CHD6: variants seen among roughly 807,000 people sequenced by gnomAD.
The protein encoded by CHD6 is chromodomain helicase DNA binding protein 6.
A neutral mutation model predicts 276.9 loss-of-function variants in CHD6; 50 were observed. That is an observed-to-expected ratio of 0.18 (90% CI 0.14 to 0.23). CHD6 has a LOEUF of 0.23. Ranked by LOEUF, CHD6 falls within the 10% of genes least tolerant of loss-of-function variation. The pLI, the probability that CHD6 is intolerant of heterozygous loss-of-function variation, is 1.00. For synonymous variants in CHD6, 1,173 were observed against 1,229.3 expected, an observed-to-expected ratio of 0.95 and a Z score of 0.96; for missense variants, 2,564 against 3,365.8, an observed-to-expected ratio of 0.76 and a Z score of 5.89.
rs76011116 is a variant in CHD6 at position 41,582,279 on chromosome 20, T to C, written c.-23-30919A>G. On this transcript the variant is annotated intron_variant, in intron 1 of 36. Coordinates refer to ENST00000373233, the MANE Select transcript of CHD6 (RefSeq NM_032221.5). ...ATGTCATTTGATGCAAGAGCTGATATAACTAAGGAAGAGTTTCGGACACGG... is the reference window on the plus strand; with the variant it reads ...ATGTCATTTGATGCAAGAGCTGATACAACTAAGGAAGAGTTTCGGACACGG... Among the ~76,000 whole-genome samples the C allele has an allele frequency of 1.2e-4, 18 of 152,306 alleles. No individual in the cohort carries two copies. In the East Asian group the frequency reaches 3.5e-3, roughly 29 times the overall value.
intron 1 of CHD6, among the ~76,000 whole-genome samples, chr20:41,565,158 G>A (rs113175550): frequency 0.053 from 8,055 of 151,108 alleles, 740 homozygotes; most frequent in African/African-American, 0.19. Context: ...GTGCAGTGGC[G>A]CGATCTCAGC....
chr20:41,445,355 T>G (rs959049772), intron 25 of CHD6, among the ~76,000 whole-genome samples: 2 of 152,204 alleles, frequency 1.3e-5, no homozygotes, highest in Non-Finnish European at 2.9e-5. Flanking sequence ...CTATGTGCCA[T>G]GCACTGGGAC....
intron 5 of CHD6, among the ~76,000 whole-genome samples, chr20:41,509,172 G>C (rs2044051742): frequency 6.6e-6 from 1 of 152,118 alleles, no homozygotes; most frequent in African/African-American, 2.4e-5. Context: ...CACAGGCTAT[G>C]AATAAGTGGT....
At chr20:41,493,754 C>G in intron 9 of CHD6, 82 bp from the exon 10 acceptor site, 1 of 1,562,520 alleles carries the variant, frequency 6.4e-7, no homozygotes, top group Non-Finnish European at 8.8e-7. Flanking sequence ...GAAAAACCAC[C>G]CTACGTGACT....
rs565586955 is a variant in CHD6 at position 41,597,535 on chromosome 20, G to A, written c.-24+20805C>T. On this transcript the variant is annotated intron_variant, in intron 1 of 36. Coordinates refer to ENST00000373233, the MANE Select transcript of CHD6 (RefSeq NM_032221.5). ...CAGAAGTTGGAAAGAGGGAAAGCTC[G>A]AACCCACCTGGGAAGGACCCCTTAT... Among the ~76,000 whole-genome samples, 128 of 152,084 alleles carry A rather than the reference G, an allele frequency of 8.4e-4. 1 individual carries two copies. Among genetic ancestry groups the A allele is most frequent in the African/African-American group, 2.8e-3 (117 of 41,492 alleles).
In CHD6 at chr20:41,484,488, C is replaced by G; in HGVS notation, c.2121G>C (p.Gln707His). The G allele has an allele frequency of 6.2e-7, 1 of 1,613,862 alleles. No individual in the cohort carries two copies. Among genetic ancestry groups the G allele is most frequent in the Non-Finnish European group, 8.5e-7 (1 of 1,179,852 alleles). Residue 707 changes from glutamine to histidine, a missense_variant, in exon 15 of 37, where the codon CAG (glutamine) becomes CAC (histidine). By Grantham distance (24) the Gln-to-His change is conservative. Transcript: ENST00000373233. ...TIIEVELTNI[Q>H]KKYYRAILEK... is the part of the protein sequence containing the mutation. ...CGAGGATGGCACGGTAGTACTTTTT[C>G]TGGATATTGGTCAGTTCCACCTCAA...
chr20:41,423,603 G>A lies in CHD6; in HGVS notation c.4444C>T (p.Arg1482Cys). Residue 1482 changes from arginine to cysteine, a missense_variant, in exon 30 of 37, where the codon CGC becomes TGC. This residue lies in a region of CHD6 where 515 missense variants were observed against 739.5 expected (regional missense o/e 0.70). Coordinates refer to ENST00000373233, the MANE Select transcript of CHD6 (RefSeq NM_032221.5). ...TTCTTGTCCAAACGGGAAATGATGC[G>A]GAACTGTGTCCAGTCAAAGGTTTTC... ...EKKTFDWTQF[R>C]IISRLDKKSD... is the part of the protein sequence containing the mutation. The A allele has an allele frequency of 6.2e-7, 1 of 1,614,152 alleles. No homozygotes were observed. The highest frequency in any genetic ancestry group is 8.5e-7 in the Non-Finnish European group (1 of 1,180,014).
intron 36 of CHD6, among the ~76,000 whole-genome samples, chr20:41,406,548 C>G (rs909162760): frequency 9.2e-5 from 14 of 152,292 alleles, no homozygotes; most frequent in Admixed American, 7.8e-4. Context: ...GAGAGTGGAG[C>G]TCAGGAGCTC....
rs201190691 is a variant in CHD6, at chr20:41,493,713, T to G, written c.1180-41A>C. 3 of 1,610,170 alleles carry G rather than the reference T, an allele frequency of 1.9e-6. No homozygotes were observed. In the African/African-American group the frequency reaches 4.0e-5, roughly 22 times the overall value. On this transcript the variant is annotated intron_variant, in intron 9 of 36. Transcript: ENST00000373233. The stretch of plus-strand genomic sequence containing the variant: ...GAAAGAAACTTAATGTTCTATTAGG[T>G]TAAAGGAGTCAGTAGTATCTGCCAA...
Position 41,454,010 on chromosome 20 carries a change from A to G in CHD6, c.3120+616T>C, listed in dbSNP as rs538074866. Among the ~76,000 whole-genome samples the G allele has an allele frequency of 3.3e-5, 5 of 152,242 alleles. No individual in the cohort carries two copies. The South Asian group carries it at 8.3e-4, about 25-fold the overall frequency. ...CAGGGTCAGAGATGAAGGACGGGAA[A>G]TCAACATTTAAGGGGTGCCTCACAG... is the stretch of plus-strand genomic sequence containing the variant. On this transcript the variant is annotated intron_variant, in intron 20 of 36. Transcript: ENST00000373233.
intron 1 of CHD6, among the ~76,000 whole-genome samples, chr20:41,601,097 A>T (rs748165527): frequency 6.6e-6 from 1 of 151,910 alleles, no homozygotes; most frequent in Non-Finnish European, 1.5e-5. Flanking sequence ...TGCCTGACAA[A>T]CTCCTATTCA....
chr20:41,537,168 A>T (rs183682794), intron 2 of CHD6, among the ~76,000 whole-genome samples: 1 of 152,342 alleles, frequency 6.6e-6, no homozygotes, highest in Admixed American at 6.5e-5. Flanking sequence ...AAACTTTAAT[A>T]CACTTATCAA....
chr20:41,591,391 C>T (rs1239150106), intron 1 of CHD6, among the ~76,000 whole-genome samples: 6 of 150,410 alleles, frequency 4.0e-5, no homozygotes, highest in African/African-American at 1.5e-4. Context: ...CACACACACA[C>T]ACACACACAC....
intron 3 of CHD6, among the ~76,000 whole-genome samples, chr20:41,532,575 T>C (rs1466865011): frequency 2.0e-5 from 3 of 152,242 alleles, no homozygotes; most frequent in South Asian, 2.1e-4. Flanking sequence ...CCAAAAGGAA[T>C]GGCAAGAAAC....
chr20:41,600,330 G>A (rs1485904160), intron 1 of CHD6, among the ~76,000 whole-genome samples: 1 of 152,162 alleles, frequency 6.6e-6, no homozygotes, highest in African/African-American at 2.4e-5. Context: ...AAAGAAGCCA[G>A]ATACGAAACA....
chr20:41,413,442 G>A lies in CHD6; in HGVS notation c.7013C>T (p.Ala2338Val). The stretch of plus-strand genomic sequence containing the variant: ...GCTGGCTGCCGTAGCTGGCTCAGGA[G>A]CCGAGGTGGCAGGCCCTGGCCCCTC... Reference protein sequence around the residue: ...HPEGPGPATSAPEPATAASSQ... With the variant: ...HPEGPGPATSVPEPATAASSQ... The change falls in exon 35 of 37, where the codon GCT (alanine) becomes GTT (valine). Residue 2338 changes from alanine to valine, a missense_variant. Physicochemically the swap from Ala to Val is moderately conservative, Grantham distance 64 (BLOSUM62 0). Transcript: ENST00000373233. 1 of 1,611,554 alleles carries A rather than the reference G, an allele frequency of 6.2e-7. No individual in the cohort carries two copies. The highest frequency in any genetic ancestry group is 8.5e-7 in the Non-Finnish European group (1 of 1,179,656).
intron 23 of CHD6, 150 bp downstream of exon 23, chr20:41,450,796 C>T: frequency 1.4e-6 from 1 of 729,716 alleles, no homozygotes; most frequent in East Asian, 2.6e-5. Context: ...GAATTCTGAG[C>T]CAGCTTAGAC....
chr20:41,487,076 A>T (rs1253721931), intron 14 of CHD6, among the ~76,000 whole-genome samples: 1 of 152,132 alleles, frequency 6.6e-6, no homozygotes, highest in Non-Finnish European at 1.5e-5. Context: ...AGATTCTATA[A>T]TCCCTAGTAG....
intron 5 of CHD6, among the ~76,000 whole-genome samples, chr20:41,505,819 A>T (rs1229938036): frequency 2.0e-5 from 3 of 151,924 alleles, no homozygotes; most frequent in African/African-American, 7.3e-5. Flanking sequence ...TCATATACAT[A>T]ATTCCTATAT....
Sources: gnomAD v4.1 joint callset for allele counts (sites outside exome capture counted in the v4.1 genomes callset) on GRCh38, gnomAD v4.1.1 for gene constraint, gnomAD v4.1.1 regional missense constraint, MANE v1.5 for transcripts, NCBI Gene and HGNC (gene_info 2026-07-23, HGNC 2026-07-21) for gene names.